CSRNP3: variants seen among roughly 807,000 people sequenced by gnomAD.
CSRNP3 encodes cysteine/serine-rich nuclear protein 3.
In CSRNP3, 12 loss-of-function variants were observed where a neutral mutation model predicts 48.0. That is an observed-to-expected ratio of 0.25 (90% CI 0.16 to 0.41). The LOEUF is 0.41. Ranked by LOEUF, CSRNP3 falls within the 10% of genes least tolerant of loss-of-function variation. CSRNP3 has a pLI of 1.00. For missense variants in CSRNP3, 580 were observed against 724.4 expected (o/e 0.80, Z 2.29); for synonymous variants, 263 against 269.7 (o/e 0.98, Z 0.24).
At chr2:165,525,772 C>A (rs543868611) in intron 3 of CSRNP3, among the ~76,000 whole-genome samples, 45 of 152,260 alleles carry the variant, frequency 3.0e-4, no homozygotes, top group South Asian at 8.3e-4. Context: ...CAGGCATGAA[C>A]CACCACTCCC....
chr2:165,644,068 A>G (rs1353900121), intron 4 of CSRNP3, among the ~76,000 whole-genome samples: 1 of 152,204 alleles, frequency 6.6e-6, no homozygotes, highest in Non-Finnish European at 1.5e-5. Flanking sequence ...AAAATCATTT[A>G]TAATATTCAG....
intron 3 of CSRNP3, among the ~76,000 whole-genome samples, chr2:165,520,667 A>G (rs760365619): frequency 1.6e-4 from 24 of 149,450 alleles, no homozygotes; most frequent in Non-Finnish European, 3.1e-4. Context: ...AGTAAAGTTC[A>G]CAATTATTTA....
chr2:165,540,177 A>G (rs982462533), intron 3 of CSRNP3, among the ~76,000 whole-genome samples: 1 of 152,048 alleles, frequency 6.6e-6, no homozygotes, highest in South Asian at 2.1e-4. Context: ...TTTGCTCTAA[A>G]ATGCATTGAA....
At chr2:165,591,914 G>A (rs980497374) in intron 3 of CSRNP3, among the ~76,000 whole-genome samples, 8 of 152,140 alleles carry the variant, frequency 5.3e-5, no homozygotes, top group African/African-American at 1.9e-4. Flanking sequence ...TCCCCACTGG[G>A]GCACTGCCTA....
intron 3 of CSRNP3, among the ~76,000 whole-genome samples, chr2:165,573,488 TAACTAGCA>T (rs1172650475): frequency 1.3e-5 from 2 of 152,176 alleles, no homozygotes; most frequent in Admixed American, 1.3e-4. Context: ...AGGGAAGAAA[TAACTAGCA>T]AATAATAGCA....
chr2:165,534,531 T>C (rs908607772), intron 3 of CSRNP3, among the ~76,000 whole-genome samples: 6 of 151,942 alleles, frequency 3.9e-5, no homozygotes, highest in Non-Finnish European at 5.9e-5. Flanking sequence ...GAAGGACTCA[T>C]ACAGGTGCAT....
chr2:165,580,012 T>C (rs1483133405), intron 3 of CSRNP3, among the ~76,000 whole-genome samples: 1 of 138,822 alleles, frequency 7.2e-6, no homozygotes, highest in East Asian at 2.3e-4. Flanking sequence ...CACCGCAAGC[T>C]CCACCTCCCG....
At chr2:165,474,662 C>T (rs890035124) in intron 1 of CSRNP3, among the ~76,000 whole-genome samples, 3 of 152,106 alleles carry the variant, frequency 2.0e-5, no homozygotes, top group Middle Eastern at 3.2e-3. Flanking sequence ...CAAAGCAAGA[C>T]ACTATGTGTT....
At chr2:165,535,235 A>G (rs1283571304) in intron 3 of CSRNP3, among the ~76,000 whole-genome samples, 1 of 151,836 alleles carries the variant, frequency 6.6e-6, no homozygotes, top group Non-Finnish European at 1.5e-5. Flanking sequence ...ATTTTTTGTA[A>G]ACATAAGAAG....
At chr2:165,576,876 A>G (rs1685459646) in intron 3 of CSRNP3, among the ~76,000 whole-genome samples, 1 of 152,078 alleles carries the variant, frequency 6.6e-6, no homozygotes, top group African/African-American at 2.4e-5. Context: ...AGATAGTGTT[A>G]TATCAGACTT....
chr2:165,670,424 T>C (rs542232157), intron 5 of CSRNP3, among the ~76,000 whole-genome samples: 16 of 152,274 alleles, frequency 1.1e-4, no homozygotes, highest in Admixed American at 5.2e-4. Context: ...CAAATAATCA[T>C]AAAAGATTGT....
intron 3 of CSRNP3, among the ~76,000 whole-genome samples, chr2:165,526,225 G>A (rs1337594055): frequency 1.3e-5 from 2 of 152,028 alleles, no homozygotes; most frequent in Non-Finnish European, 2.9e-5. Context: ...GTATTACACT[G>A]TGAATTTTAG....
chr2:165,584,953 G>A (rs556468487), intron 3 of CSRNP3, among the ~76,000 whole-genome samples: 44 of 152,262 alleles, frequency 2.9e-4, no homozygotes, highest in Middle Eastern at 3.4e-3. Context: ...GTGTTGGGCC[G>A]CATTCAAAGC....
intron 4 of CSRNP3, among the ~76,000 whole-genome samples, chr2:165,606,665 C>A (rs1686033326): frequency 6.6e-6 from 1 of 151,994 alleles, no homozygotes; most frequent in African/African-American, 2.4e-5. Flanking sequence ...AATAATTGTC[C>A]ATTTGAATAG....
At chr2:165,513,400 C>T (rs1684535085) in intron 2 of CSRNP3, among the ~76,000 whole-genome samples, 1 of 152,144 alleles carries the variant, frequency 6.6e-6, no homozygotes, top group Non-Finnish European at 1.5e-5. Context: ...TGATGTGTGC[C>T]AGGCTTCCAG....
At position 165,679,901 on chromosome 2, in the gene CSRNP3, T is replaced by C; in HGVS notation, c.*148T>C. The C allele has an allele frequency of 9.1e-7, 1 of 1,102,754 alleles. No homozygotes were observed. The highest frequency in any genetic ancestry group is 1.6e-5 in the South Asian group (1 of 63,492). 68.3% of individuals were successfully genotyped at this position (1,102,754 alleles called of 1,614,324 possible). On this transcript the variant is annotated 3_prime_UTR_variant, in exon 7 of 7. Coordinates refer to ENST00000651982, the MANE Select transcript of CSRNP3 (RefSeq NM_001172173.2). ...AGACTGTATTTTGTTTTTTCCTTTC[T>C]AGCCACATGACTGTGGCATTGCACA...
intron 5 of CSRNP3, 127 bp from the exon 6 acceptor site, chr2:165,676,185 A>T: frequency 1.4e-6 from 1 of 728,534 alleles, no homozygotes; most frequent in Non-Finnish European, 2.3e-6. Context: ...TAAAAAAATG[A>T]TCTAACAAAC....
chr2:165,589,935 T>G (rs1032157486), intron 3 of CSRNP3, among the ~76,000 whole-genome samples: 1 of 152,176 alleles, frequency 6.6e-6, no homozygotes, highest in African/African-American at 2.4e-5. Context: ...CAATATCTTA[T>G]TATAAAAATG....
chr2:165,661,733 C>T (rs1017087101), intron 5 of CSRNP3, among the ~76,000 whole-genome samples: 2 of 152,138 alleles, frequency 1.3e-5, no homozygotes, highest in East Asian at 1.9e-4. Context: ...ACAAACTTTG[C>T]TCACTGTGAG....
Sources: gnomAD v4.1 joint callset for allele counts (sites outside exome capture counted in the v4.1 genomes callset) on GRCh38, gnomAD v4.1.1 for gene constraint, MANE v1.5 for transcripts, NCBI Gene and HGNC (gene_info 2026-07-23, HGNC 2026-07-21) for gene names.